The following PLXNA2 variants were observed in gnomAD, a reference collection of about 807,000 sequenced individuals.
The protein encoded by PLXNA2 is plexin-A2.
Under a neutral mutation model 193.5 loss-of-function variants are expected in PLXNA2, and 91 were observed. The ratio of observed to expected loss-of-function variants is 0.47; its 90% CI spans 0.40 to 0.56. The LOEUF is 0.56. PLXNA2 is among the 20% of genes least tolerant of loss of function. PLXNA2 has a pLI of 0.00. For missense variants in PLXNA2, 1,995 were observed against 2,503.2 expected (o/e 0.80, Z 4.33); for synonymous variants, 997 against 1,027.3 (o/e 0.97, Z 0.56).
In PLXNA2 at chr1:208,042,250, G is replaced by A; in HGVS notation, c.4134C>T (p.Phe1378=). 1.9e-6 allele frequency: 3 copies of A among 1,614,248 alleles called. No homozygotes were observed. The highest frequency in any genetic ancestry group is 2.5e-6 in the Non-Finnish European group (3 of 1,180,052). The change falls in exon 22 of 32, where the codon TTC becomes TTT. Residue 1378 remains phenylalanine, a synonymous_variant. Transcript: ENST00000367033. ...FIRTLELQRS[F]SMRDRGNVAS... ...CCACGTTGCCCCGGTCGCGCATGGA[G>A]AAACTGCGCTGCAGCTCCAGGGTGC...
intron 24 of PLXNA2, among the ~76,000 whole-genome samples, chr1:208,039,380 T>C (rs1664782898): frequency 6.6e-6 from 1 of 150,892 alleles, no homozygotes; most frequent in Non-Finnish European, 1.5e-5. Flanking sequence ...CAATAACTAA[T>C]GATGGGTGAA....
intron 3 of PLXNA2, among the ~76,000 whole-genome samples, chr1:208,197,691 C>A (rs752682004): frequency 5.3e-5 from 8 of 152,182 alleles, no homozygotes; most frequent in Admixed American, 1.3e-4. Flanking sequence ...CCTTAGTTGG[C>A]TAGTGTCTTA....
intron 1 of PLXNA2, among the ~76,000 whole-genome samples, chr1:208,230,838 G>C (rs1284781608): frequency 6.6e-6 from 1 of 152,170 alleles, no homozygotes; most frequent in Non-Finnish European, 1.5e-5. Context: ...TTAGCTGTCA[G>C]ACAGCCTCTC....
intron 3 of PLXNA2, among the ~76,000 whole-genome samples, chr1:208,182,640 G>A (rs977181363): frequency 1.3e-5 from 2 of 151,962 alleles, no homozygotes; most frequent in African/African-American, 2.4e-5. Context: ...AAACTGAGGC[G>A]TATTTGCCAT....
chr1:208,227,611 A>G (rs190037765), intron 1 of PLXNA2, among the ~76,000 whole-genome samples: 13 of 152,316 alleles, frequency 8.5e-5, no homozygotes, highest in Middle Eastern at 3.4e-3. Flanking sequence ...ATTTATGTCT[A>G]CCCTGAGCTG....
At chr1:208,125,104 A>C (rs1187928500) in intron 4 of PLXNA2, among the ~76,000 whole-genome samples, 2 of 152,242 alleles carry the variant, frequency 1.3e-5, no homozygotes, top group Non-Finnish European at 2.9e-5. Context: ...TAACTATACC[A>C]AATGGCCTTT....
intron 4 of PLXNA2, among the ~76,000 whole-genome samples, chr1:208,114,472 G>A (rs1410915465): frequency 6.6e-6 from 1 of 152,196 alleles, no homozygotes; most frequent in Non-Finnish European, 1.5e-5. Flanking sequence ...AAGGAAGCAG[G>A]GAGCTAGCTC....
chr1:208,169,299 A>G lies in PLXNA2; in HGVS notation c.1372-26836T>C, dbSNP rs147461922. On this transcript the variant is annotated intron_variant, in intron 3 of 31. Coordinates refer to ENST00000367033, the MANE Select transcript of PLXNA2 (RefSeq NM_025179.4). ...GACACACATTCAAAAACCGATAAAC[A>G]AGTGCAGATTAACGGAGTGATGACA... 3.3e-3 allele frequency among the ~76,000 whole-genome samples: 496 copies of G among 152,294 alleles called. 1 individual carries two copies. Among genetic ancestry groups the G allele is most frequent in the African/African-American group, 0.011 (466 of 41,570 alleles).
chr1:208,227,028 C>T (rs968601830), intron 1 of PLXNA2, among the ~76,000 whole-genome samples: 2 of 152,184 alleles, frequency 1.3e-5, no homozygotes, highest in Non-Finnish European at 2.9e-5. Context: ...CTATTTAAAC[C>T]ATCTTATCAA....
At chr1:208,040,151 T>C in intron 22 of PLXNA2, 93 bp from the exon 23 acceptor site, 1 of 1,020,678 alleles carries the variant, frequency 9.8e-7, no homozygotes, top group South Asian at 1.3e-5. Context: ...AAGAGAACAA[T>C]GGAGCATGGG....
chr1:208,052,573 C>T, intron 14 of PLXNA2, 110 bp from the exon 15 acceptor site: 3 of 1,047,810 alleles, frequency 2.9e-6, no homozygotes, highest in East Asian at 2.5e-5. Context: ...CGTGGTGGTA[C>T]TTGTCCTGTC....
chr1:208,178,136 A>G (rs1402745188), intron 3 of PLXNA2, among the ~76,000 whole-genome samples: 2 of 151,884 alleles, frequency 1.3e-5, no homozygotes, highest in Non-Finnish European at 2.9e-5. Flanking sequence ...TCCTACCGAG[A>G]GGAGAAAAAA....
chr1:208,065,261 TAC>T (rs1665753052), intron 12 of PLXNA2, among the ~76,000 whole-genome samples: 1 of 152,182 alleles, frequency 6.6e-6, no homozygotes, highest in South Asian at 2.1e-4. Flanking sequence ...TGCTGCTGGC[TAC>T]AGTCGGATAG....
At chr1:208,091,868 C>CA (rs10655053) in intron 9 of PLXNA2, among the ~76,000 whole-genome samples, 23,067 of 130,904 alleles carry the variant, frequency 0.18, 2,078 homozygotes, top group East Asian at 0.35. Flanking sequence ...GACTTCATAT[C>CA]AAAAAAAAAA....
At chr1:208,050,160 T>C in intron 17 of PLXNA2, among the ~76,000 whole-genome samples, 1 of 152,258 alleles carries the variant, frequency 6.6e-6, no homozygotes, top group South Asian at 2.1e-4. Flanking sequence ...CTTAGCAACC[T>C]AGGTGGAGTT....
intron 1 of PLXNA2, among the ~76,000 whole-genome samples, chr1:208,228,545 C>T (rs1217084276): frequency 6.6e-6 from 1 of 152,176 alleles, no homozygotes; most frequent in Non-Finnish European, 1.5e-5. Context: ...GTGTCTCAGA[C>T]CCATTGTCTG....
intron 22 of PLXNA2, among the ~76,000 whole-genome samples, chr1:208,041,242 G>A (rs552576742): frequency 1.3e-5 from 2 of 152,314 alleles, no homozygotes; most frequent in Admixed American, 6.5e-5. Context: ...GGGCCTGGAA[G>A]CCTGAGACCT....
At chr1:208,214,662 T>G (rs950675461) in intron 2 of PLXNA2, among the ~76,000 whole-genome samples, 1 of 152,204 alleles carries the variant, frequency 6.6e-6, no homozygotes, top group African/African-American at 2.4e-5. Context: ...CCCTCAGCAC[T>G]GTGTACAAGA....
rs1374505190 is a variant in PLXNA2 at position 208,028,288 on chromosome 1, G to A, written c.5439-129C>T. ...CCTGCCTCCCTATTTCTCTTCTGAT[G>A]TGGCTTCCTCTGGCCTCTTGCTTCA... On this transcript the variant is annotated intron_variant, in intron 30 of 31. Coordinates refer to ENST00000367033, the MANE Select transcript of PLXNA2 (RefSeq NM_025179.4). This position sits in a 1 kb window ranked among gnomAD's most constrained non-coding sequence, Gnocchi z 4.2. 14 of 815,982 alleles carry A rather than the reference G, an allele frequency of 1.7e-5. No homozygotes were observed. In the South Asian group the frequency reaches 1.9e-4, roughly 11 times the overall value. 50.5% of individuals were successfully genotyped at this position (815,982 alleles called of 1,614,324 possible). A position where few individuals can be genotyped will look rare whatever the true frequency, so the allele number is the denominator to read the frequency against.
Sources: gnomAD v4.1 joint callset for allele counts (sites outside exome capture counted in the v4.1 genomes callset) on GRCh38, gnomAD v4.1.1 for gene constraint, Gnocchi (gnomAD v3.1) non-coding constraint, MANE v1.5 for transcripts, NCBI Gene and HGNC (gene_info 2026-07-23, HGNC 2026-07-21) for gene names.